Variants in KCTD8 observed in about 807,000 individuals in gnomAD.
The protein encoded by KCTD8 is potassium channel tetramerization domain containing 8, also known as BTB/POZ domain-containing protein KCTD8.
In KCTD8, 27 loss-of-function variants were observed where a neutral mutation model predicts 31.5. The ratio of observed to expected loss-of-function variants is 0.86; its 90% CI spans 0.63 to 1.18. KCTD8 has a LOEUF of 1.18. Ranked by LOEUF, KCTD8 falls within the 50% of genes most tolerant of loss-of-function variation. The pLI, the probability that KCTD8 is intolerant of heterozygous loss-of-function variation, is 0.00. For synonymous variants in KCTD8, 290 were observed against 280.0 expected (o/e 1.04, Z -0.36); for missense variants, 658 against 647.7 (o/e 1.02, Z -0.17).
intron 1 of KCTD8, among the ~76,000 whole-genome samples, chr4:44,212,038 A>T: frequency 6.6e-6 from 1 of 152,308 alleles, no homozygotes; most frequent in Middle Eastern, 3.4e-3. Flanking sequence ...AACATTATAC[A>T]CAGAGAATAG....
intron 1 of KCTD8, among the ~76,000 whole-genome samples, chr4:44,281,250 C>T (rs1275338673): frequency 6.6e-6 from 1 of 152,094 alleles, no homozygotes; most frequent in Admixed American, 6.6e-5. Context: ...ATGCTGATCA[C>T]ATTCACATTC....
chr4:44,387,181 T>C (rs1464093010), intron 1 of KCTD8, among the ~76,000 whole-genome samples: 1 of 151,758 alleles, frequency 6.6e-6, no homozygotes, highest in African/African-American at 2.4e-5. Flanking sequence ...GTGAAAGATC[T>C]CTACAATGAG....
intron 1 of KCTD8, among the ~76,000 whole-genome samples, chr4:44,243,993 C>A (rs1715578419): frequency 6.6e-6 from 1 of 152,198 alleles, no homozygotes; most frequent in Non-Finnish European, 1.5e-5. Flanking sequence ...GATGGCTTCA[C>A]TTTACTCCCC....
intron 1 of KCTD8, among the ~76,000 whole-genome samples, chr4:44,219,002 T>C (rs1367336028): frequency 1.3e-5 from 2 of 152,172 alleles, no homozygotes; most frequent in Non-Finnish European, 2.9e-5. Context: ...GGCACCATCC[T>C]TTCCTGACTT....
intron 1 of KCTD8, among the ~76,000 whole-genome samples, chr4:44,324,168 C>T (rs1441879214): frequency 6.6e-6 from 1 of 151,416 alleles, no homozygotes; most frequent in African/African-American, 2.4e-5. Flanking sequence ...TATTTAATGG[C>T]AGGATAGGCC....
intron 1 of KCTD8, among the ~76,000 whole-genome samples, chr4:44,281,007 A>G (rs1716890533): frequency 6.6e-6 from 1 of 152,078 alleles, no homozygotes; most frequent in South Asian, 2.1e-4. Flanking sequence ...AGAGTTTCAG[A>G]GCTAGGAGAT....
chr4:44,244,955 A>G (rs986823300), intron 1 of KCTD8, among the ~76,000 whole-genome samples: 1 of 151,524 alleles, frequency 6.6e-6, no homozygotes, highest in African/African-American at 2.4e-5. Flanking sequence ...TGAAGCCTTT[A>G]TGATGGGTAA....
chr4:44,296,002 G>T (rs1399251866), intron 1 of KCTD8, among the ~76,000 whole-genome samples: 1 of 152,100 alleles, frequency 6.6e-6, no homozygotes, highest in Non-Finnish European at 1.5e-5. Flanking sequence ...TAATTGCCTA[G>T]CCATTAATAA....
chr4:44,187,590 T>C (rs1043822136), intron 1 of KCTD8, among the ~76,000 whole-genome samples: 7 of 152,218 alleles, frequency 4.6e-5, no homozygotes, highest in African/African-American at 1.7e-4. Flanking sequence ...AATGACCTTC[T>C]TTTTTACAAG....
At chr4:44,389,359 T>C (rs1490963137) in intron 1 of KCTD8, among the ~76,000 whole-genome samples, 2 of 151,812 alleles carry the variant, frequency 1.3e-5, no homozygotes, top group East Asian at 1.9e-4. Flanking sequence ...TTATTACACA[T>C]TGCACACGTG....
intron 1 of KCTD8, among the ~76,000 whole-genome samples, chr4:44,221,428 G>A (rs935749974): frequency 6.6e-6 from 1 of 151,886 alleles, no homozygotes; most frequent in Non-Finnish European, 1.5e-5. Flanking sequence ...AGAGGGACGG[G>A]ACTAATAGGA....
intron 1 of KCTD8, among the ~76,000 whole-genome samples, chr4:44,182,053 C>T (rs981324465): frequency 4.6e-5 from 7 of 152,030 alleles, no homozygotes; most frequent in African/African-American, 1.7e-4. Context: ...GCCCCTCTGC[C>T]TGGCAGCCAC....
intron 1 of KCTD8, among the ~76,000 whole-genome samples, chr4:44,352,061 C>T (rs546798665): frequency 6.6e-6 from 1 of 152,032 alleles, no homozygotes; most frequent in Non-Finnish European, 1.5e-5. Context: ...CTACTGTGGA[C>T]TCAGAAATTC....
At chr4:44,424,253 C>T (rs950264581) in intron 1 of KCTD8, among the ~76,000 whole-genome samples, 1 of 152,048 alleles carries the variant, frequency 6.6e-6, no homozygotes, top group Non-Finnish European at 1.5e-5. Context: ...TCCCCCAACA[C>T]TTCCTCTGGT....
chr4:44,423,814 C>T (rs1230656909), intron 1 of KCTD8, among the ~76,000 whole-genome samples: 1 of 152,080 alleles, frequency 6.6e-6, no homozygotes, highest in Non-Finnish European at 1.5e-5. Context: ...ACTTCCCATT[C>T]TGAAGTTACA....
intron 1 of KCTD8, among the ~76,000 whole-genome samples, chr4:44,397,292 G>A (rs1185429751): frequency 6.6e-6 from 1 of 152,088 alleles, no homozygotes; most frequent in Non-Finnish European, 1.5e-5. Context: ...TGATTTATAA[G>A]TTCCTTGACT....
In KCTD8 at chr4:44,408,299, C is replaced by A. The variant is rs183718216; in HGVS notation, c.961+39264G>T. Among the ~76,000 whole-genome samples, 70 of 152,238 alleles carry A rather than the reference C, an allele frequency of 4.6e-4. No homozygotes were observed. The East Asian group carries it at 0.012, about 26-fold the overall frequency. On this transcript the variant is annotated intron_variant, in intron 1 of 1. Transcript: ENST00000360029. ...TTAAATCCATACTTCTAAATATAAT[C>A]ATGAAATAGTTGTTAAAATTATCAC...
At chr4:44,331,328 T>C (rs946740208) in intron 1 of KCTD8, among the ~76,000 whole-genome samples, 2 of 151,824 alleles carry the variant, frequency 1.3e-5, no homozygotes, top group Non-Finnish European at 2.9e-5. Flanking sequence ...TACCCAGTGT[T>C]GAGAGCATTT....
chr4:44,360,513 T>G (rs935893231), intron 1 of KCTD8, among the ~76,000 whole-genome samples: 1 of 152,038 alleles, frequency 6.6e-6, no homozygotes, highest in Non-Finnish European at 1.5e-5. Context: ...TGATTTTAAT[T>G]ATCACTACTT....
Sources: gnomAD v4.1 joint callset for allele counts (sites outside exome capture counted in the v4.1 genomes callset) on GRCh38, gnomAD v4.1.1 for gene constraint, MANE v1.5 for transcripts, NCBI Gene and HGNC (gene_info 2026-07-23, HGNC 2026-07-21) for gene names.